Variants in RGS12 observed in about 807,000 individuals in gnomAD.
The protein encoded by RGS12 is regulator of G protein signaling 12.
In RGS12, 66 loss-of-function variants were observed where a neutral mutation model predicts 120.1. The observed-to-expected ratio is 0.55, with a 90% CI of 0.45 to 0.67. The LOEUF is 0.67. Ranked by LOEUF, RGS12 falls within the 30% of genes least tolerant of loss-of-function variation. The probability of loss-of-function intolerance (pLI) is 0.00; values close to 1 mark genes in which losing one functional copy is unlikely to be tolerated. For synonymous variants in RGS12, 827 were observed against 804.7 expected (o/e 1.03, Z -0.47); for missense variants, 1,859 against 1,957.7 (o/e 0.95, Z 0.95).
intron 1 of RGS12, among the ~76,000 whole-genome samples, chr4:3,302,826 T>TG (rs1372635948): frequency 6.6e-6 from 1 of 151,816 alleles, no homozygotes; most frequent in African/African-American, 2.4e-5. Flanking sequence ...CACAGAGTCG[T>TG]GGGGGGAGGA....
intron 3 of RGS12, among the ~76,000 whole-genome samples, chr4:3,384,230 T>C (rs778068469): frequency 3.3e-5 from 5 of 152,078 alleles, no homozygotes; most frequent in Non-Finnish European, 7.4e-5. Context: ...TCTCGGCTCA[T>C]TGCAACCTCT....
intron 1 of RGS12, 27 bp downstream of exon 1, chr4:3,293,126 CG>C (rs1723137307): frequency 6.9e-6 from 1 of 145,930 alleles, no homozygotes; most frequent in Non-Finnish European, 1.5e-5. Context: ...GGGGCCGGGG[CG>C]GGGGCAGGGC....
intron 3 of RGS12, among the ~76,000 whole-genome samples, chr4:3,357,331 C>T (rs62274879): frequency 6.6e-6 from 1 of 151,968 alleles, no homozygotes; most frequent in Non-Finnish European, 1.5e-5. Context: ...CTGTGGGTTG[C>T]CTTTTTACTC....
At chr4:3,410,103 G>T (rs2109078400) in intron 4 of RGS12, among the ~76,000 whole-genome samples, 1 of 152,332 alleles carries the variant, frequency 6.6e-6, no homozygotes, top group Non-Finnish European at 1.5e-5. Flanking sequence ...AAAGCTGGAG[G>T]AAAAATGTCA....
upstream of RGS12, among the ~76,000 whole-genome samples, chr4:3,290,524 G>A (rs183401527): frequency 5.9e-5 from 9 of 152,344 alleles, no homozygotes; most frequent in African/African-American, 7.2e-5. Flanking sequence ...AGGGTCATCC[G>A]TGTCGTAGCC....
chr4:3,295,889 G>GT (rs1428426133), intron 1 of RGS12, among the ~76,000 whole-genome samples: 1 of 152,186 alleles, frequency 6.6e-6, no homozygotes, highest in Non-Finnish European at 1.5e-5. Context: ...CTATTGCTGT[G>GT]TAACAAAGCA....
At chr4:3,375,474 GC>G (rs762342623) in intron 3 of RGS12, among the ~76,000 whole-genome samples, 3 of 62,476 alleles carry the variant, frequency 4.8e-5, no homozygotes, top group Admixed American at 1.9e-4. Context: ...CTCATCTCCA[GC>G]CCTCATCTCC....
intron 3 of RGS12, among the ~76,000 whole-genome samples, chr4:3,354,140 CTG>C (rs1277829309): frequency 1.3e-5 from 2 of 152,156 alleles, no homozygotes; most frequent in Non-Finnish European, 2.9e-5. Flanking sequence ...TTCTTTAAAA[CTG>C]TGTAAATTAA....
At chr4:3,394,567 G>A (rs1003422141) in intron 4 of RGS12, among the ~76,000 whole-genome samples, 2 of 152,232 alleles carry the variant, frequency 1.3e-5, no homozygotes, top group African/African-American at 4.8e-5. Context: ...TGATACTGAT[G>A]TAGAAAGGTG....
At chr4:3,373,924 T>A (rs1268268020) in intron 3 of RGS12, among the ~76,000 whole-genome samples, 1 of 152,224 alleles carries the variant, frequency 6.6e-6, no homozygotes, top group Non-Finnish European at 1.5e-5. Flanking sequence ...TCTTCCCCCT[T>A]CTTTTCATTA....
chr4:3,382,083 G>A (rs541137079), intron 3 of RGS12, among the ~76,000 whole-genome samples: 2 of 152,238 alleles, frequency 1.3e-5, no homozygotes, highest in Middle Eastern at 6.8e-3. Flanking sequence ...TGTTAGCTTT[G>A]GATATTGTTC....
intron 17 of RGS12, among the ~76,000 whole-genome samples, chr4:3,439,056 G>C (rs1725070146): frequency 6.6e-6 from 1 of 152,092 alleles, no homozygotes; most frequent in African/African-American, 2.4e-5. Flanking sequence ...TCAGCCCCCT[G>C]GGGGTGGCCC....
Position 3,374,660 on chromosome 4 carries a change from G to A in RGS12, c.1999-11756G>A, listed in dbSNP as rs1044427440. Among the ~76,000 whole-genome samples the A allele has an allele frequency of 6.6e-6, 1 of 151,796 alleles. No individual in the cohort carries two copies. Among genetic ancestry groups the A allele is most frequent in the Non-Finnish European group, 1.5e-5 (1 of 67,964 alleles). ...GAGCCCACACCCTCTGATACTCCACGTCAGCAAGCTCCTGGGCTCGGCCTT... is the reference window on the plus strand; with the variant it reads ...GAGCCCACACCCTCTGATACTCCACATCAGCAAGCTCCTGGGCTCGGCCTT... On this transcript the variant is annotated intron_variant, in intron 3 of 17. Transcript: ENST00000336727. This position sits in a 1 kb window ranked among gnomAD's most constrained non-coding sequence, Gnocchi z 6.3.
intron 1 of RGS12, among the ~76,000 whole-genome samples, chr4:3,299,056 A>G (rs13129052): frequency 0.081 from 12,296 of 152,196 alleles, 665 homozygotes; most frequent in African/African-American, 0.15. Context: ...TGTAGATGGT[A>G]ACTGTAGTGA....
At chr4:3,327,498 G>A (rs1296772626) in intron 2 of RGS12, among the ~76,000 whole-genome samples, 1 of 152,184 alleles carries the variant, frequency 6.6e-6, no homozygotes, top group Non-Finnish European at 1.5e-5. Flanking sequence ...ATAGCCTGCA[G>A]GATGGAAGAA....
intron 2 of RGS12, among the ~76,000 whole-genome samples, chr4:3,335,272 C>A (rs887405674): frequency 1.3e-5 from 2 of 152,192 alleles, no homozygotes; most frequent in African/African-American, 4.8e-5. Context: ...TGGTTCCTTA[C>A]ACGTTACTCT....
the RGS12 span, among the ~76,000 whole-genome samples, chr4:3,286,714 A>G: frequency 2.6e-5 from 4 of 152,140 alleles, no homozygotes; most frequent in Admixed American, 6.5e-5. Context: ...AGCGCTGCAC[A>G]CCGGGGAAAG....
At chr4:3,356,701 A>T (rs972915505) in intron 3 of RGS12, among the ~76,000 whole-genome samples, 4 of 152,038 alleles carry the variant, frequency 2.6e-5, no homozygotes, top group African/African-American at 9.7e-5. Context: ...GGGGTCATCC[A>T]TGTTGTAGCT....
At chr4:3,306,396 C>T (rs1723968353) in intron 1 of RGS12, among the ~76,000 whole-genome samples, 1 of 152,210 alleles carries the variant, frequency 6.6e-6, no homozygotes, top group Non-Finnish European at 1.5e-5. Flanking sequence ...GCAGGTATCA[C>T]TCCACCATGG....
Sources: gnomAD v4.1 joint callset for allele counts (sites outside exome capture counted in the v4.1 genomes callset) on GRCh38, gnomAD v4.1.1 for gene constraint, Gnocchi (gnomAD v3.1) non-coding constraint, MANE v1.5 for transcripts, NCBI Gene and HGNC (gene_info 2026-07-23, HGNC 2026-07-21) for gene names.